RADIL: variants seen among roughly 807,000 people sequenced by gnomAD.
RADIL encodes ras-associating and dilute domain-containing protein.
A neutral mutation model predicts 97.6 loss-of-function variants in RADIL; 99 were observed. The ratio of observed to expected loss-of-function variants is 1.01; its 90% CI spans 0.86 to 1.20. The LOEUF (loss-of-function observed/expected upper bound fraction) is 1.20. RADIL is among the 50% of genes most tolerant of loss of function. The pLI is 0.00. For synonymous variants in RADIL, 803 were observed against 691.8 expected (o/e 1.16, Z -2.52); for missense variants, 1,765 against 1,498.9 (o/e 1.18, Z -2.93).
chr7:4,826,408 C>A (rs1298063558), intron 5 of RADIL, among the ~76,000 whole-genome samples: 1 of 151,696 alleles, frequency 6.6e-6, no homozygotes, highest in Non-Finnish European at 1.5e-5. Context: ...TACTTTGAAA[C>A]TAATAAAGAA....
rs954735027 is a variant in RADIL, at chr7:4,883,049, A to G, written c.-65+547T>C. ...TCGAGGGGCTGGAAATGGTACATAA[A>G]TAGCCGGGAAACAATGCTTTGAGCT... On this transcript the variant is annotated intron_variant, in intron 1 of 14. Coordinates refer to ENST00000399583, the MANE Select transcript of RADIL (RefSeq NM_018059.5). The surrounding 1 kb of genome is among the most constrained non-coding windows in gnomAD (Gnocchi z 7.1). 1.3e-5 allele frequency among the ~76,000 whole-genome samples: 2 copies of G among 152,092 alleles called. No individual in the cohort carries two copies. The highest frequency in any genetic ancestry group is 4.8e-5 in the African/African-American group (2 of 41,378).
chr7:4,832,798 G>T (rs553978925), intron 4 of RADIL, among the ~76,000 whole-genome samples: 1 of 151,488 alleles, frequency 6.6e-6, no homozygotes, highest in Non-Finnish European at 1.5e-5. Flanking sequence ...GTTATTATCC[G>T]GCTGAATGTA....
rs368568659 is a variant in RADIL, at chr7:4,864,245, C to T, written c.535+13360G>A. 1.3e-4 allele frequency among the ~76,000 whole-genome samples: 20 copies of T among 152,242 alleles called. No individual in the cohort carries two copies. The East Asian group carries it at 2.3e-3, about 18-fold the overall frequency. ...TATGGTAGCTTCATCTTGGCCTCTG[C>T]GACACCATACTCTTTGTCTTCCACA... On this transcript the variant is annotated intron_variant, in intron 2 of 14. Coordinates refer to ENST00000399583, the MANE Select transcript of RADIL (RefSeq NM_018059.5).
At chr7:4,809,461 G>T (rs1782472578) in intron 9 of RADIL, 1 of 985,244 alleles carries the variant, frequency 1.0e-6, no homozygotes, top group Non-Finnish European at 1.2e-6. Flanking sequence ...ACAAGCCAAC[G>T]AATTTCCCCC....
chr7:4,808,827 A>T (rs1782436036), intron 9 of RADIL: 1 of 925,252 alleles, frequency 1.1e-6, no homozygotes. Flanking sequence ...TTCCGACGCC[A>T]CTGCCCCTCC....
At chr7:4,869,121 C>T (rs1784196275) in intron 2 of RADIL, among the ~76,000 whole-genome samples, 1 of 151,498 alleles carries the variant, frequency 6.6e-6, no homozygotes. Context: ...AGCAAGACTC[C>T]ATCTCAAAAG....
chr7:4,806,207 T>C (rs1027357825), intron 9 of RADIL, among the ~76,000 whole-genome samples: 1 of 152,226 alleles, frequency 6.6e-6, no homozygotes, highest in Non-Finnish European at 1.5e-5. Context: ...TGGGGTGCAG[T>C]GGCTCAATCA....
chr7:4,834,478 C>T lies in RADIL; in HGVS notation c.1416+129G>A. Reference sequence around the variant, plus strand: ...CAGCGACAGGCAGGGAAAGGCCGCCCTGCGCTCAGCAGCACAGCACCGTGG... The same window carrying T: ...CAGCGACAGGCAGGGAAAGGCCGCCTTGCGCTCAGCAGCACAGCACCGTGG... On this transcript the variant is annotated intron_variant, in intron 4 of 14. Transcript: ENST00000399583. This position sits in a 1 kb window ranked among gnomAD's most constrained non-coding sequence, Gnocchi z 6.0. The T allele has an allele frequency of 9.0e-7, 1 of 1,115,484 alleles. No individual in the cohort carries two copies. Among genetic ancestry groups the T allele is most frequent in the Non-Finnish European group, 1.1e-6 (1 of 882,092 alleles). 69.1% of individuals were successfully genotyped at this position (1,115,484 alleles called of 1,614,324 possible). A position where few individuals can be genotyped will look rare whatever the true frequency, so the allele number is the denominator to read the frequency against.
At chr7:4,861,586 T>C in intron 2 of RADIL, 3 of 1,611,864 alleles carry the variant, frequency 1.9e-6, no homozygotes, top group African/African-American at 1.3e-5. Flanking sequence ...CGCGTATCCA[T>C]TCCTTTACCA....
Position 4,869,845 on chromosome 7 carries a change from C to T in RADIL, c.535+7760G>A, listed in dbSNP as rs550995992. Among the ~76,000 whole-genome samples, 24 of 152,292 alleles carry T rather than the reference C, an allele frequency of 1.6e-4. 2 individuals are homozygous for T. The highest frequency in any genetic ancestry group is 5.5e-4 in the African/African-American group (23 of 41,562). The stretch of plus-strand genomic sequence containing the variant: ...TCTGACTCTTTCGCAAAGATGGACA[C>T]TCAGGCCAGGTGCAGTGGCTCGTAC... On this transcript the variant is annotated intron_variant, in intron 2 of 14. Transcript: ENST00000399583.
intron 9 of RADIL, chr7:4,808,784 T>A (rs1383022136): frequency 1.1e-6 from 1 of 886,962 alleles, no homozygotes; most frequent in South Asian, 5.6e-5. Flanking sequence ...GCCACTGCCC[T>A]CCATTCCAAC....
At chr7:4,812,024 A>C (rs1427020393) in intron 9 of RADIL, among the ~76,000 whole-genome samples, 1 of 151,752 alleles carries the variant, frequency 6.6e-6, no homozygotes, top group East Asian at 2.0e-4. Context: ...ACGGGCATGC[A>C]TCACCATGCC....
Position 4,815,592 on chromosome 7 carries a change from C to T in RADIL, c.1967-142G>A, listed in dbSNP as rs1206466866. ...CGATGACAGGCAGGACACCTTCCCT[C>T]GGTTTTCAAGGCAACTGACCAGCCT... On this transcript the variant is annotated intron_variant, in intron 8 of 14. Transcript: ENST00000399583. The surrounding 1 kb of genome is among the most constrained non-coding windows in gnomAD (Gnocchi z 8.0). 6.2e-6 allele frequency: 6 copies of T among 973,478 alleles called. No homozygotes were observed. The highest frequency in any genetic ancestry group is 4.0e-5 in the South Asian group (2 of 50,022). 60.3% of individuals were successfully genotyped at this position (973,478 alleles called of 1,614,324 possible).
chr7:4,815,495 G>C lies in RADIL; in HGVS notation c.1967-45C>G. The C allele has an allele frequency of 6.9e-7, 1 of 1,451,578 alleles. No individual in the cohort carries two copies. The highest frequency in any genetic ancestry group is 9.1e-7 in the Non-Finnish European group (1 of 1,096,494). The allele number at this position is 1,451,578 out of a possible 1,614,324, so 89.9% of individuals were successfully genotyped here. ...GGGTGATGCCTGGGCTGCCCTCCTG[G>C]GGGGACACAGACATGGGCCTGTCCC... On this transcript the variant is annotated intron_variant, in intron 8 of 14. Transcript: ENST00000399583. This position sits in a 1 kb window ranked among gnomAD's most constrained non-coding sequence, Gnocchi z 8.0.
In RADIL at chr7:4,799,748, CG is replaced by C; in HGVS notation, c.3003del (p.Leu1003SerfsTer27). 2.6e-6 allele frequency: 4 copies of C among 1,547,594 alleles called. No individual in the cohort carries two copies. Among genetic ancestry groups the C allele is most frequent in the East Asian group, 2.4e-5 (1 of 41,682 alleles). Reference sequence around the variant, plus strand: ...GGGAGCAGGGTCTGGATGTAGAGCCCGGGGGCGCCCAGGTGCGTGTGCTGGG... The same window carrying C: ...GGGAGCAGGGTCTGGATGTAGAGCCCGGGGCGCCCAGGTGCGTGTGCTGGG... ...IDGMHTHLGA[P>X]GLYIQTLLPG... On this transcript the variant is annotated frameshift_variant, in exon 14 of 15. Coordinates refer to ENST00000399583, the MANE Select transcript of RADIL (RefSeq NM_018059.5). LOFTEE classifies it high-confidence loss of function.
Position 4,797,535 on chromosome 7 carries a change from T to TA in RADIL, c.*1842dup, listed in dbSNP as rs1781956074. On this transcript the variant is annotated 3_prime_UTR_variant, in exon 15 of 15. Transcript: ENST00000399583. ...GGCCACAGTCCACACCCCTCCCACA[T>TA]AAAAAATATACTCAACCCCCTTCCA... is the stretch of plus-strand genomic sequence containing the variant. 6.6e-6 allele frequency: 1 copy of TA among 152,096 alleles called. No homozygotes were observed. The highest frequency in any genetic ancestry group is 2.4e-5 in the African/African-American group (1 of 41,386). 9.4% of individuals were successfully genotyped at this position (152,096 alleles called of 1,614,324 possible). A position where few individuals can be genotyped will look rare whatever the true frequency, so the allele number is the denominator to read the frequency against.
chr7:4,801,947 G>C lies in RADIL; in HGVS notation c.2548C>G (p.Pro850Ala). 6.4e-7 allele frequency: 1 copy of C among 1,559,184 alleles called. No individual in the cohort carries two copies. The highest frequency in any genetic ancestry group is 1.2e-5 in the South Asian group (1 of 84,066). Residue 850 changes from proline (P) to alanine (A), a missense_variant, in exon 12 of 15, where the codon CCC becomes GCC. Physicochemically the swap from Pro to Ala is conservative, Grantham distance 27. Transcript: ENST00000399583. ...GGGCCAGGGTCCCTGGGAGCCAGGG[G>C]GCAGCTCGGGGCCTCCAGGTGCCCG... ...LDGHLEAPSC[P>A]LAPRDPGPAA...
At position 4,859,976 on chromosome 7, in the gene RADIL, G is replaced by A. The variant is rs755968528; in HGVS notation, c.535+17629C>T. On this transcript the variant is annotated intron_variant, in intron 2 of 14. Coordinates refer to ENST00000399583, the MANE Select transcript of RADIL (RefSeq NM_018059.5). ...GAGACATGTTGAAGAAACAACTCTG[G>A]CGACCATGGCCTTTGGTGATGGAGA... 5 of 1,613,990 alleles carry A rather than the reference G, an allele frequency of 3.1e-6. No homozygotes were observed. In the South Asian group the frequency reaches 4.4e-5, roughly 14 times the overall value.
At chr7:4,801,099 G>GATGCACACACA (rs879457975) in intron 12 of RADIL, among the ~76,000 whole-genome samples, 1 of 151,702 alleles carries the variant, frequency 6.6e-6, no homozygotes, top group Non-Finnish European at 1.5e-5. Flanking sequence ...CCCATGCACA[G>GATGCACACACA]ATGCACACAC....
Sources: allele counts gnomAD v4.1 joint callset (sites outside exome capture counted in the v4.1 genomes callset), GRCh38; gene constraint gnomAD v4.1.1; non-coding constraint Gnocchi (gnomAD v3.1); transcripts MANE v1.5; gene names NCBI Gene and HGNC (gene_info 2026-07-23, HGNC 2026-07-21).